Variants in SPATA6 observed in about 807,000 individuals in gnomAD.
SPATA6 encodes spermatogenesis associated 6, also known as spermatogenesis-associated protein 6.
SPATA6 carries 56 observed loss-of-function variants against 65.3 expected under a neutral mutation model. That is an observed-to-expected ratio of 0.86 (90% confidence interval 0.69 to 1.07). SPATA6 has a LOEUF of 1.07. SPATA6 is among the 50% of genes least tolerant of loss of function. SPATA6 has a pLI of 0.00. For missense variants in SPATA6, 590 were observed against 594.8 expected, an observed-to-expected ratio of 0.99 and a Z score of 0.08; for synonymous variants, 199 against 213.2, an observed-to-expected ratio of 0.93 and a Z score of 0.58.
At chr1:48,279,470 TAA>T in the SPATA6 span, among the ~76,000 whole-genome samples, 1 of 151,762 alleles carries the variant, frequency 6.6e-6, no homozygotes, top group Non-Finnish European at 1.5e-5. Flanking sequence ...AGGCTCAAAA[TAA>T]AAGGATGGAG....
chr1:48,366,107 C>A (rs946458597), intron 9 of SPATA6, among the ~76,000 whole-genome samples: 1 of 152,068 alleles, frequency 6.6e-6, no homozygotes, highest in Admixed American at 6.6e-5. Flanking sequence ...TATTGATTTG[C>A]GTATGTTGAA....
intron 3 of SPATA6, among the ~76,000 whole-genome samples, chr1:48,441,779 A>G (rs2265481): frequency 0.98 from 148,847 of 152,278 alleles, 72,838 homozygotes; most frequent in East Asian, 1. Context: ...GGGTAGTTGC[A>G]GCGGTGGCCG....
In SPATA6 at chr1:48,399,641, T is replaced by C. The variant is rs974621907; in HGVS notation, c.490A>G (p.Lys164Glu). 1 of 1,564,272 alleles carries C rather than the reference T, an allele frequency of 6.4e-7. No individual in the cohort carries two copies. Among genetic ancestry groups the C allele is most frequent in the African/African-American group, 1.4e-5 (1 of 72,426 alleles). ...ACTGGAGCCAAATGGTAAATAAATTTATCCTAAACATAAAAAATAAAAATT... is the reference window on the plus strand; with the variant it reads ...ACTGGAGCCAAATGGTAAATAAATTCATCCTAAACATAAAAAATAAAAATT... Reference protein sequence around the residue: ...ISSRKCHTQDKFIYHLAPVEK... With the variant: ...ISSRKCHTQDEFIYHLAPVEK... The change falls in exon 7 of 13, where the codon AAA becomes GAA. Residue 164 changes from lysine to glutamate, a missense_variant. Coordinates refer to ENST00000371847, the MANE Select transcript of SPATA6 (RefSeq NM_019073.4).
At chr1:48,326,773 A>G (rs1365334833) in intron 11 of SPATA6, among the ~76,000 whole-genome samples, 2 of 152,176 alleles carry the variant, frequency 1.3e-5, no homozygotes, top group Non-Finnish European at 2.9e-5. Flanking sequence ...TTATTCAATG[A>G]ATAGCGCTGG....
intron 3 of SPATA6, chr1:48,435,954 C>A: frequency 6.3e-7 from 1 of 1,589,660 alleles, no homozygotes. Flanking sequence ...TCTGTGTGAA[C>A]TAAAGTGATT....
chr1:48,324,166 C>T (rs1645686603), intron 11 of SPATA6, among the ~76,000 whole-genome samples: 1 of 152,124 alleles, frequency 6.6e-6, no homozygotes, highest in Admixed American at 6.6e-5. Context: ...CCATGTTGCC[C>T]AAGCTGGTCT....
In SPATA6 at chr1:48,436,199, G is replaced by A. The variant is rs1462884734; in HGVS notation, c.238+15353C>T. 10 of 1,612,152 alleles carry A rather than the reference G, an allele frequency of 6.2e-6. No individual in the cohort carries two copies. In the African/African-American group the frequency reaches 1.2e-4, roughly 19 times the overall value. ...AACTTGACTTCTGTCCATCTTGCAT[G>A]GCATACTCCCACGGGAACACTGGTA... On this transcript the variant is annotated intron_variant, in intron 3 of 12. Coordinates refer to ENST00000371847, the MANE Select transcript of SPATA6 (RefSeq NM_019073.4).
At chr1:48,382,365 C>A (rs1648756121) in intron 9 of SPATA6, among the ~76,000 whole-genome samples, 1 of 97,986 alleles carries the variant, frequency 1.0e-5, no homozygotes, top group Non-Finnish European at 2.1e-5. Context: ...CCGGACGGGG[C>A]GGCTGGCCAG....
At chr1:48,391,889 C>T (rs912336042) in intron 8 of SPATA6, among the ~76,000 whole-genome samples, 5 of 151,638 alleles carry the variant, frequency 3.3e-5, no homozygotes, top group Admixed American at 2.6e-4. Flanking sequence ...CATTTAGAAA[C>T]GTAGGAAGAA....
At chr1:48,371,779 G>A (rs1411053427) in intron 9 of SPATA6, among the ~76,000 whole-genome samples, 2 of 152,164 alleles carry the variant, frequency 1.3e-5, no homozygotes, top group Non-Finnish European at 2.9e-5. Context: ...TAGACTTACA[G>A]TTCCATATAG....
intron 3 of SPATA6, among the ~76,000 whole-genome samples, chr1:48,428,775 A>ATATGTGTGTG (rs374475889): frequency 7.5e-6 from 1 of 133,496 alleles, no homozygotes; most frequent in Non-Finnish European, 1.6e-5. Context: ...AGGTGTATAT[A>ATATGTGTGTG]TGTGTGTGTG....
intron 12 of SPATA6, among the ~76,000 whole-genome samples, chr1:48,303,935 A>C (rs1187978193): frequency 6.6e-6 from 1 of 152,114 alleles, no homozygotes; most frequent in Admixed American, 6.6e-5. Flanking sequence ...GTTCATGCGA[A>C]CTTCTTCATG....
intron 11 of SPATA6, among the ~76,000 whole-genome samples, chr1:48,336,820 A>C (rs1190336932): frequency 6.6e-6 from 1 of 152,024 alleles, no homozygotes; most frequent in Non-Finnish European, 1.5e-5. Context: ...ATGCATAGGA[A>C]GATATCATGA....
At chr1:48,268,628 TTTTTG>T in the SPATA6 span, among the ~76,000 whole-genome samples, 1 of 152,216 alleles carries the variant, frequency 6.6e-6, no homozygotes, top group Non-Finnish European at 1.5e-5. Context: ...ACTAAATTTA[TTTTTG>T]TTTTAAAAAT....
intron 9 of SPATA6, among the ~76,000 whole-genome samples, chr1:48,375,749 T>A (rs1286350735): frequency 6.6e-6 from 1 of 152,168 alleles, no homozygotes; most frequent in Non-Finnish European, 1.5e-5. Flanking sequence ...CCAAGTTATA[T>A]TCAAGCTTCC....
At chr1:48,446,121 G>T (rs2803251) in intron 3 of SPATA6, among the ~76,000 whole-genome samples, 4,648 of 152,214 alleles carry the variant, frequency 0.031, 220 homozygotes, top group African/African-American at 0.11. Context: ...GGAATAGCAG[G>T]TAGAAAAGCA....
chr1:48,458,804 A>G (rs1570639841), intron 1 of SPATA6, among the ~76,000 whole-genome samples: 1 of 152,324 alleles, frequency 6.6e-6, no homozygotes, highest in East Asian at 1.9e-4. Context: ...AATGACTACT[A>G]ACAGATACAG....
At chr1:48,365,960 T>A (rs1179791685) in intron 9 of SPATA6, among the ~76,000 whole-genome samples, 1 of 152,220 alleles carries the variant, frequency 6.6e-6, no homozygotes, top group African/African-American at 2.4e-5. Context: ...TATTTTAAGA[T>A]ACGTCCCATC....
chr1:48,453,747 A>G lies in SPATA6; in HGVS notation c.52-616T>C, dbSNP rs1333916108. Reference sequence around the variant, plus strand: ...ATTACAACGAAAGCTCCCAGAGGGGAGGATTTTCCCTTGTTTACCATGTGT... The same window carrying G: ...ATTACAACGAAAGCTCCCAGAGGGGGGGATTTTCCCTTGTTTACCATGTGT... On this transcript the variant is annotated intron_variant, in intron 1 of 12. Transcript: ENST00000371847. 2.0e-5 allele frequency among the ~76,000 whole-genome samples: 3 copies of G among 152,276 alleles called. No homozygotes were observed. In the East Asian group the frequency reaches 5.8e-4, roughly 29 times the overall value.
Sources: gnomAD v4.1 joint callset for allele counts (sites outside exome capture counted in the v4.1 genomes callset) on GRCh38, gnomAD v4.1.1 for gene constraint, MANE v1.5 for transcripts, NCBI Gene and HGNC (gene_info 2026-07-23, HGNC 2026-07-21) for gene names.